The following CDK5 variants were observed in gnomAD, a reference collection of about 807,000 sequenced individuals.
CDK5 encodes cyclin-dependent kinase 5.
CDK5 carries 18 observed loss-of-function variants against 44.6 expected under a neutral mutation model. That is an observed-to-expected ratio of 0.40 (90% CI 0.28 to 0.60). The LOEUF (loss-of-function observed/expected upper bound fraction) is 0.60. Among genes scored for constraint, CDK5 ranks in the 20% least tolerant of loss-of-function variants. CDK5 has a pLI of 0.38. For missense variants in CDK5, 198 were observed against 368.1 expected, an observed-to-expected ratio of 0.54 and a Z score of 3.78; for synonymous variants, 143 against 152.8, an observed-to-expected ratio of 0.94 and a Z score of 0.47.
chr7:151,056,370 C>T lies in CDK5; in HGVS notation c.312+210G>A. ...TCTCGAGTGTAAATAATATCACTGA[C>T]ATCAGAATGACACTGTGCGGGTCAA... is the stretch of plus-strand genomic sequence containing the variant. On this transcript the variant is annotated intron_variant, in intron 5 of 11. Coordinates refer to ENST00000485972, the MANE Select transcript of CDK5 (RefSeq NM_004935.4). This position sits in a 1 kb window ranked among gnomAD's most constrained non-coding sequence, Gnocchi z 4.7. The T allele has an allele frequency of 1.7e-6, 1 of 599,244 alleles. No homozygotes were observed. The highest frequency in any genetic ancestry group is 2.0e-5 in the South Asian group (1 of 49,494). 37.1% of individuals were successfully genotyped at this position (599,244 alleles called of 1,614,324 possible).
chr7:151,057,592 G>A lies in CDK5; in HGVS notation c.37+220C>T. On this transcript the variant is annotated intron_variant, in intron 1 of 11. Transcript: ENST00000485972. This position sits in a 1 kb window ranked among gnomAD's most constrained non-coding sequence, Gnocchi z 5.2. The stretch of plus-strand genomic sequence containing the variant: ...GGAAGTGTCGCGGTTGGGAGGTCGG[G>A]TCTACTGGGAACGCTAAGGTTGGAG... The A allele has an allele frequency of 3.1e-6, 2 of 645,698 alleles. No individual in the cohort carries two copies. Among genetic ancestry groups the A allele is most frequent in the Non-Finnish European group, 2.8e-6 (1 of 362,650 alleles). 40.0% of individuals were successfully genotyped at this position (645,698 alleles called of 1,614,324 possible). A position where few individuals can be genotyped will look rare whatever the true frequency, so the allele number is the denominator to read the frequency against.
Position 151,053,816 on chromosome 7 carries a change from G to A in CDK5, c.*193C>T. 1.7e-6 allele frequency: 1 copy of A among 600,158 alleles called. No individual in the cohort carries two copies. The highest frequency in any genetic ancestry group is 3.0e-6 in the Non-Finnish European group (1 of 338,174). 37.2% of individuals were successfully genotyped at this position (600,158 alleles called of 1,614,324 possible). On this transcript the variant is annotated 3_prime_UTR_variant, in exon 12 of 12. Transcript: ENST00000485972. Reference sequence around the variant, plus strand: ...ACTTGACCACCACATCAACCAGACTGTGGGAAAGGAGCCAATTTATGAAAT... The same window carrying A: ...ACTTGACCACCACATCAACCAGACTATGGGAAAGGAGCCAATTTATGAAAT...
In CDK5 at chr7:151,055,827, T is replaced by G; in HGVS notation, c.334A>C (p.Lys112Gln). Reference protein sequence around the residue: ...IVKSFLFQLLKGLGFCHSRNV... With the variant: ...IVKSFLFQLLQGLGFCHSRNV... ...CGGCTATGACAGAATCCCAGCCCTT[T>G]TAGTAGCTGGAAGAGGAATGACTGG... is the stretch of plus-strand genomic sequence containing the variant. The change falls in exon 6 of 12, where the codon AAA (lysine) becomes CAA (glutamine). Residue 112 changes from lysine to glutamine, a missense_variant. By Grantham distance (53) the Lys-to-Gln change is moderately conservative. Around this residue, in one of 4 missense-constraint regions of CDK5, gnomAD observed 26 missense variants for 28.2 expected, o/e 0.92. Transcript: ENST00000485972. 1 of 1,610,036 alleles carries G rather than the reference T, an allele frequency of 6.2e-7. No individual in the cohort carries two copies. Among genetic ancestry groups the G allele is most frequent in the Non-Finnish European group, 8.5e-7 (1 of 1,177,888 alleles).
At position 151,054,302 on chromosome 7, in the gene CDK5, G is replaced by A. The variant is rs369852339; in HGVS notation, c.712-10C>T. ...GGTACATCGGATAGGGCTGTGGAGA[G>A]GCAGGGAGGGTCAGACTAGAGGTAG... On this transcript the variant is annotated splice_polypyrimidine_tract_variant and intron_variant, in intron 10 of 11. Transcript: ENST00000485972. This position sits in a 1 kb window ranked among gnomAD's most constrained non-coding sequence, Gnocchi z 5.7. 1 of 1,613,734 alleles carries A rather than the reference G, an allele frequency of 6.2e-7. No individual in the cohort carries two copies. Among genetic ancestry groups the A allele is most frequent in the Non-Finnish European group, 8.5e-7 (1 of 1,179,760 alleles).
chr7:151,055,198 C>T, intron 8 of CDK5, 79 bp downstream of exon 8: 2 of 1,558,700 alleles, frequency 1.3e-6, no homozygotes, highest in Non-Finnish European at 1.8e-6. Context: ...CCCTCCCTTC[C>T]CCCAGAGGGG....
Position 151,056,002 on chromosome 7 carries a change from C to T in CDK5, c.313-154G>A. ...GACACCATTCATTCGCCATCCAGGA[C>T]CTGCTTTATACTGTGCTAGGCATTA... On this transcript the variant is annotated intron_variant, in intron 5 of 11. Coordinates refer to ENST00000485972, the MANE Select transcript of CDK5 (RefSeq NM_004935.4). This position sits in a 1 kb window ranked among gnomAD's most constrained non-coding sequence, Gnocchi z 4.7. 1.5e-6 allele frequency: 1 copy of T among 645,888 alleles called. No homozygotes were observed. 40.0% of individuals were successfully genotyped at this position (645,888 alleles called of 1,614,324 possible).
chr7:151,054,361 C>T lies in CDK5; in HGVS notation c.711+44G>A, dbSNP rs753731719. The T allele has an allele frequency of 5.6e-6, 9 of 1,612,236 alleles. No individual in the cohort carries two copies. The East Asian group carries it at 6.7e-5, about 12-fold the overall frequency. Reference sequence around the variant, plus strand: ...GGATGGAGGCGCTAGGAATGTGAAACGAGTGACCCTGATGAACCATGACCC... The same window carrying T: ...GGATGGAGGCGCTAGGAATGTGAAATGAGTGACCCTGATGAACCATGACCC... On this transcript the variant is annotated intron_variant, in intron 10 of 11. Transcript: ENST00000485972. This position sits in a 1 kb window ranked among gnomAD's most constrained non-coding sequence, Gnocchi z 5.7.
chr7:151,056,843 T>G lies in CDK5; in HGVS notation c.195-47A>C. ...GCCAGGCAGGTCCGCCTGACAGACG[T>G]CCAGTGTCAGCCCCCGCCTCCCCCA... On this transcript the variant is annotated intron_variant, in intron 3 of 11. Transcript: ENST00000485972. The surrounding 1 kb of genome is among the most constrained non-coding windows in gnomAD (Gnocchi z 4.7). 1 of 1,596,610 alleles carries G rather than the reference T, an allele frequency of 6.3e-7. No individual in the cohort carries two copies. The highest frequency in any genetic ancestry group is 8.5e-7 in the Non-Finnish European group (1 of 1,171,692).
At position 151,054,362 on chromosome 7, in the gene CDK5, G is replaced by A. The variant is rs778744723; in HGVS notation, c.711+43C>T. The A allele has an allele frequency of 2.1e-5, 34 of 1,611,928 alleles. No individual in the cohort carries two copies. The Middle Eastern group carries it at 6.6e-4, about 31-fold the overall frequency. On this transcript the variant is annotated intron_variant, in intron 10 of 11. Transcript: ENST00000485972. The surrounding 1 kb of genome is among the most constrained non-coding windows in gnomAD (Gnocchi z 5.7). ...GATGGAGGCGCTAGGAATGTGAAACGAGTGACCCTGATGAACCATGACCCC... is the reference window on the plus strand; with the variant it reads ...GATGGAGGCGCTAGGAATGTGAAACAAGTGACCCTGATGAACCATGACCCC...
rs1195217306 is a variant in CDK5, at chr7:151,057,108, C to T, written c.90G>A (p.Val30=). The T allele has an allele frequency of 6.2e-7, 1 of 1,614,032 alleles. No individual in the cohort carries two copies. The highest frequency in any genetic ancestry group is 1.7e-5 in the Admixed American group (1 of 60,018). Reference sequence around the variant, plus strand: ...CATCCAGCCTCACCCGTTTCAGAGCCACGATCTCATGAGTCTCCCGGTTTT... The same window carrying T: ...CATCCAGCCTCACCCGTTTCAGAGCTACGATCTCATGAGTCTCCCGGTTTT... ...KAKNRETHEI[V]ALKRVRLDDD... The change falls in exon 2 of 12, where the codon GTG becomes GTA. Residue 30 remains valine (V), a synonymous_variant. Transcript: ENST00000485972. This position sits in a 1 kb window ranked among gnomAD's most constrained non-coding sequence, Gnocchi z 5.2.
chr7:151,057,882 G>C lies in CDK5; in HGVS notation c.-34C>G. The C allele has an allele frequency of 6.3e-7, 1 of 1,592,486 alleles. No individual in the cohort carries two copies. The highest frequency in any genetic ancestry group is 8.5e-7 in the Non-Finnish European group (1 of 1,169,800). ...CCGCGGGGACCCCTGCGGGCCCTCG[G>C]TTTTAAGACTCTGGCCCCGGCGTTG... On this transcript the variant is annotated 5_prime_UTR_variant, in exon 1 of 12. Transcript: ENST00000485972. This position sits in a 1 kb window ranked among gnomAD's most constrained non-coding sequence, Gnocchi z 5.2.
rs1382455503 is a variant in CDK5, at chr7:151,057,527, G to A, written c.37+285C>T. ...GAAACGAGGCTGGGGGTCGGGGTGA[G>A]GTTGTCCAAGTGCTGCTGAGGCTGG... On this transcript the variant is annotated intron_variant, in intron 1 of 11. Transcript: ENST00000485972. The surrounding 1 kb of genome is among the most constrained non-coding windows in gnomAD (Gnocchi z 5.2). 16 of 600,970 alleles carry A rather than the reference G, an allele frequency of 2.7e-5. No individual in the cohort carries two copies. Among genetic ancestry groups the A allele is most frequent in the Non-Finnish European group, 4.1e-5 (14 of 338,540 alleles). The allele number at this position is 600,970 out of a possible 1,614,324, so 37.2% of individuals were successfully genotyped here.
Position 151,056,979 on chromosome 7 carries a change from C to T in CDK5, c.127-4G>A. 1 of 1,613,926 alleles carries T rather than the reference C, an allele frequency of 6.2e-7. No individual in the cohort carries two copies. The highest frequency in any genetic ancestry group is 8.5e-7 in the Non-Finnish European group (1 of 1,179,890). ...GGAGGGCGGAACTCGGCACACCCTG[C>T]ATATGTGAGGGGGCCGGTGGGCAGC... On this transcript the variant is annotated splice_polypyrimidine_tract_variant and splice_region_variant and intron_variant, in intron 2 of 11. Coordinates refer to ENST00000485972, the MANE Select transcript of CDK5 (RefSeq NM_004935.4). This position sits in a 1 kb window ranked among gnomAD's most constrained non-coding sequence, Gnocchi z 4.7.
In CDK5 at chr7:151,057,294, G is replaced by C. The variant is rs1359201658; in HGVS notation, c.38-134C>G. The C allele has an allele frequency of 1.3e-6, 1 of 769,096 alleles. No homozygotes were observed. Among genetic ancestry groups the C allele is most frequent in the South Asian group, 1.5e-5 (1 of 68,470 alleles). 47.6% of individuals were successfully genotyped at this position (769,096 alleles called of 1,614,324 possible). ...ATTCAGGGTGAAGGTAGGTTGGTGA[G>C]CTTTGTGAGTGAGGATGTGGCAGGT... On this transcript the variant is annotated intron_variant, in intron 1 of 11. Transcript: ENST00000485972. This position sits in a 1 kb window ranked among gnomAD's most constrained non-coding sequence, Gnocchi z 5.2.
In CDK5 at chr7:151,054,629, A is replaced by G. The variant is rs1443771631; in HGVS notation, c.651-164T>C. ...GAGCTTGACAGAAGCAGCCCCAGGC[A>G]GGTCACTCGCATATCCAGCCACGTT... On this transcript the variant is annotated intron_variant, in intron 9 of 11. Coordinates refer to ENST00000485972, the MANE Select transcript of CDK5 (RefSeq NM_004935.4). This position sits in a 1 kb window ranked among gnomAD's most constrained non-coding sequence, Gnocchi z 5.7. Among the ~76,000 whole-genome samples the G allele has an allele frequency of 6.6e-6, 1 of 152,152 alleles. No homozygotes were observed. Among genetic ancestry groups the G allele is most frequent in the African/African-American group, 2.4e-5 (1 of 41,430 alleles).
chr7:151,054,055 T>G lies in CDK5; in HGVS notation c.833A>C (p.Glu278Ala). ...KCNPVQRISA[E>A]EALQHPYFSD... The stretch of plus-strand genomic sequence containing the variant: ...GAAGTAGGGGTGCTGCAGGGCCTCT[T>G]CTGCTGAGATACGCTGGACAGGGTT... Residue 278 changes from glutamate to alanine, a missense_variant, in exon 12 of 12, where the codon GAA becomes GCA. Glu to Ala is a moderately radical substitution (Grantham distance 107, BLOSUM62 -1). Coordinates refer to ENST00000485972, the MANE Select transcript of CDK5 (RefSeq NM_004935.4). This position sits in a 1 kb window ranked among gnomAD's most constrained non-coding sequence, Gnocchi z 5.7. The G allele has an allele frequency of 1.2e-6, 2 of 1,602,604 alleles. No homozygotes were observed. The highest frequency in any genetic ancestry group is 1.7e-6 in the Non-Finnish European group (2 of 1,174,786).
Position 151,057,439 on chromosome 7 carries a change from G to A in CDK5, c.38-279C>T. On this transcript the variant is annotated intron_variant, in intron 1 of 11. Coordinates refer to ENST00000485972, the MANE Select transcript of CDK5 (RefSeq NM_004935.4). The surrounding 1 kb of genome is among the most constrained non-coding windows in gnomAD (Gnocchi z 5.2). ...TGCTCCGGAAGGGTCTGGAAATAGT[G>A]AGGAGGGGTCTGGGAGAGGACTGAG... 1 of 590,982 alleles carries A rather than the reference G, an allele frequency of 1.7e-6. No homozygotes were observed. The highest frequency in any genetic ancestry group is 3.0e-6 in the Non-Finnish European group (1 of 331,582). The allele number at this position is 590,982 out of a possible 1,614,324, so 36.6% of individuals were successfully genotyped here.
chr7:151,057,173 G>A lies in CDK5; in HGVS notation c.38-13C>T. The stretch of plus-strand genomic sequence containing the variant: ...GTTCCGTAGGTGCCTAGGGGAAGGA[G>A]GTCAGGGGTCAGGGTGAGGATGCGG... On this transcript the variant is annotated splice_polypyrimidine_tract_variant and intron_variant, in intron 1 of 11. Transcript: ENST00000485972. The surrounding 1 kb of genome is among the most constrained non-coding windows in gnomAD (Gnocchi z 5.2). The A allele has an allele frequency of 6.2e-7, 1 of 1,600,036 alleles. No homozygotes were observed. The highest frequency in any genetic ancestry group is 2.2e-5 in the East Asian group (1 of 44,812).
intron 8 of CDK5, 87 bp downstream of exon 8, chr7:151,055,190 C>CT: frequency 1.3e-6 from 2 of 1,561,348 alleles, no homozygotes; most frequent in Non-Finnish European, 1.8e-6. Context: ...CAGGGCCTCC[C>CT]TCCCTTCCCC....
Sources: gnomAD v4.1 joint callset for allele counts (sites outside exome capture counted in the v4.1 genomes callset) on GRCh38, gnomAD v4.1.1 for gene constraint, gnomAD v4.1.1 regional missense constraint, Gnocchi (gnomAD v3.1) non-coding constraint, MANE v1.5 for transcripts, NCBI Gene and HGNC (gene_info 2026-07-23, HGNC 2026-07-21) for gene names.